The following SPIN2A variants were observed in gnomAD, a reference collection of about 807,000 sequenced individuals.
SPIN2A encodes spindlin-2A.
In SPIN2A, 4 loss-of-function variants were observed where a neutral mutation model predicts 9.2. The observed-to-expected ratio is 0.44, with a 90% CI of 0.21 to 1.00. SPIN2A has a LOEUF of 1.00. SPIN2A is among the 50% of genes least tolerant of loss of function. The pLI is 0.26. For missense variants in SPIN2A, 77 were observed against 172.8 expected (o/e 0.45, Z 3.11); for synonymous variants, 25 against 61.2 (o/e 0.41, Z 2.76).
At chrX:57,141,143 T>C (rs1298876968), upstream of SPIN2A, among the ~76,000 whole-genome samples, 2 of 112,139 alleles carry the variant, frequency 1.8e-5, no homozygotes, top group Non-Finnish European at 3.8e-5. Flanking sequence ...GTTTTTTTCA[T>C]GAAACGATGT....
chrX:57,147,100 C>T, the SPIN2A span, among the ~76,000 whole-genome samples: 1 of 111,528 alleles, frequency 9.0e-6, no homozygotes, highest in Non-Finnish European at 1.9e-5. Context: ...AGGAAGGATT[C>T]TCTCTTTATC....
upstream of SPIN2A, among the ~76,000 whole-genome samples, chrX:57,139,042 GT>G (rs1175797034): frequency 3.6e-5 from 4 of 111,785 alleles, no homozygotes; most frequent in Admixed American, 1.9e-4. Context: ...TTCCTTTGCT[GT>G]GCAGAAGCTT....
At chrX:57,135,641 G>C (rs775560733), downstream of SPIN2A, 299 of 1,005,733 alleles carry the variant, frequency 3.0e-4, 1 homozygote, top group South Asian at 4.6e-3. Context: ...AGGGCTTACA[G>C]ACAGCATGTC....
At chrX:57,140,834 G>A (rs1255879953), upstream of SPIN2A, among the ~76,000 whole-genome samples, 10 of 111,322 alleles carry the variant, frequency 9.0e-5, no homozygotes, top group East Asian at 1.4e-3. Context: ...CCAAAAAGAG[G>A]GAGGAAGAGA....
chrX:57,142,755 T>C, the SPIN2A span, among the ~76,000 whole-genome samples: 12 of 112,037 alleles, frequency 1.1e-4, no homozygotes, highest in Non-Finnish European at 1.9e-5. Context: ...TCTTTAGTTG[T>C]ACTAATATTT....
At chrX:57,137,012 C>T (rs1927819562) in intron 1 of SPIN2A, 1 of 847,727 alleles carries the variant, frequency 1.2e-6, no homozygotes, top group African/African-American at 2.2e-5. Context: ...CTAACCACTT[C>T]CCTGTTACCT....
upstream of SPIN2A, among the ~76,000 whole-genome samples, chrX:57,141,078 AT>A (rs1927990778): frequency 8.9e-6 from 1 of 112,106 alleles, no homozygotes; most frequent in Non-Finnish European, 1.9e-5. Flanking sequence ...TGTGTTTGTC[AT>A]ATATGACCTT....
the SPIN2A span, among the ~76,000 whole-genome samples, chrX:57,144,362 T>G: frequency 3.6e-5 from 4 of 110,402 alleles, no homozygotes; most frequent in Admixed American, 9.7e-5. Flanking sequence ...TTTCTCAAGG[T>G]TTGAAACACT....
upstream of SPIN2A, among the ~76,000 whole-genome samples, chrX:57,141,560 A>G (rs1439751193): frequency 1.8e-5 from 2 of 111,198 alleles, no homozygotes; most frequent in Non-Finnish European, 3.8e-5. Context: ...CCACAAGATC[A>G]TGGGCTTTTC....
At chrX:57,143,018 C>A in the SPIN2A span, among the ~76,000 whole-genome samples, 1 of 110,993 alleles carries the variant, frequency 9.0e-6, no homozygotes, top group Admixed American at 9.6e-5. Context: ...AAATTAGTTT[C>A]TTGTACACAG....
chrX:57,138,710 C>T (rs1030120791), upstream of SPIN2A, among the ~76,000 whole-genome samples: 3 of 111,584 alleles, frequency 2.7e-5, no homozygotes, highest in Non-Finnish European at 5.6e-5. Flanking sequence ...TTCTTCACTT[C>T]CTTACCAGCA....
At chrX:57,135,623 C>T (rs1461051552), downstream of SPIN2A, 2 of 949,271 alleles carry the variant, frequency 2.1e-6, no homozygotes, top group African/African-American at 2.0e-5. Context: ...AACTTTTCAA[C>T]AAGACAAAGG....
chrX:57,136,198 C>T lies in SPIN2A; in HGVS notation c.400G>A (p.Glu134Lys). 1 of 1,211,077 alleles carries T rather than the reference C, an allele frequency of 8.3e-7. No homozygotes were observed. The highest frequency in any genetic ancestry group is 1.1e-6 in the Non-Finnish European group (1 of 895,474). Reference sequence around the variant, plus strand: ...CCATGCTCTCCCTCAAACATGTGTTCCACTGCTTTGCCAATTATGGTATTT... The same window carrying T: ...CCATGCTCTCCCTCAAACATGTGTTTCACTGCTTTGCCAATTATGGTATTT... ...LANTIIGKAV[E>K]HMFEGEHGSK... Residue 134 changes from glutamate to lysine, a missense_variant, in exon 2 of 2, where the codon GAA becomes AAA. Glu to Lys is a moderately conservative substitution (Grantham distance 56, BLOSUM62 1). This residue lies in a region of SPIN2A where 17 missense variants were observed against 19.9 expected (regional missense o/e 0.85). Transcript: ENST00000374906.
At chrX:57,146,005 T>A in the SPIN2A span, among the ~76,000 whole-genome samples, 1 of 107,550 alleles carries the variant, frequency 9.3e-6, no homozygotes, top group East Asian at 3.0e-4. Context: ...GCCTCCAAAT[T>A]TTTTTTTTTC....
Position 57,137,271 on chromosome X carries a change from C to T in SPIN2A, c.-17G>A. ...CCGAAATCGGATACCTCGATGCTGC[C>T]TCTGCTGTGAGCCTGTGGCGAAGGA... On this transcript the variant is annotated 5_prime_UTR_variant, in exon 1 of 2. Coordinates refer to ENST00000374906, the MANE Select transcript of SPIN2A (RefSeq NM_019003.5). 1.3e-6 allele frequency: 1 copy of T among 761,872 alleles called. No individual in the cohort carries two copies. Among genetic ancestry groups the T allele is most frequent in the Non-Finnish European group, 1.6e-6 (1 of 643,097 alleles). The allele number at this position is 761,872 out of a possible 1,213,427, so 62.8% of individuals were successfully genotyped here. A position where few individuals can be genotyped will look rare whatever the true frequency, so the allele number is the denominator to read the frequency against.
chrX:57,143,470 T>G, the SPIN2A span, among the ~76,000 whole-genome samples: 1 of 110,270 alleles, frequency 9.1e-6, no homozygotes, highest in Non-Finnish European at 1.9e-5. Context: ...CTCTTAAAAT[T>G]GCTCGTATTA....
chrX:57,141,102 A>T (rs1388776705), upstream of SPIN2A, among the ~76,000 whole-genome samples: 4 of 111,616 alleles, frequency 3.6e-5, no homozygotes, highest in Non-Finnish European at 5.6e-5. Context: ...TTCTTTTGAG[A>T]TATGCTCCTT....
At chrX:57,137,725 C>T (rs1266242696), upstream of SPIN2A, 2 of 111,345 alleles carry the variant, frequency 1.8e-5, no homozygotes, top group African/African-American at 6.5e-5. Flanking sequence ...TAGCCCCTCC[C>T]CTCAGCTCTC....
upstream of SPIN2A, chrX:57,137,492 C>T (rs11091631): frequency 0.07 from 15,560 of 223,298 alleles, 2,198 homozygotes; most frequent in African/African-American, 0.42. Context: ...CCACCAGTCC[C>T]TGATGCAGTG....
Sources: allele counts gnomAD v4.1 joint callset (sites outside exome capture counted in the v4.1 genomes callset), GRCh38; gene constraint gnomAD v4.1.1; regional missense constraint gnomAD v4.1.1; transcripts MANE v1.5; gene names NCBI Gene and HGNC (gene_info 2026-07-23, HGNC 2026-07-21).